NRXN3: variants seen among roughly 807,000 people sequenced by gnomAD.
The protein encoded by NRXN3 is neurexin III.
NRXN3 carries 32 observed loss-of-function variants against 137.6 expected under a neutral mutation model. The observed-to-expected ratio is 0.23, with a 90% confidence interval of 0.18 to 0.31. NRXN3 has a LOEUF of 0.31. NRXN3 is among the 10% of genes least tolerant of loss of function. The pLI is 1.00. For missense variants in NRXN3, 1,574 were observed against 2,062.5 expected (o/e 0.76, Z 4.59); for synonymous variants, 798 against 784.5 (o/e 1.02, Z -0.29).
chr14:79,504,025 T>C (rs1211569060), intron 16 of NRXN3, among the ~76,000 whole-genome samples: 1 of 152,246 alleles, frequency 6.6e-6, no homozygotes, highest in Non-Finnish European at 1.5e-5. Context: ...ATCTCAGTTT[T>C]GGAGTTCCAC....
intron 6 of NRXN3, among the ~76,000 whole-genome samples, chr14:78,707,474 T>C (rs986941544): frequency 3.9e-5 from 6 of 152,096 alleles, no homozygotes; most frequent in Non-Finnish European, 7.4e-5. Context: ...CAAATAAGAG[T>C]AAAACTTTTT....
intron 15 of NRXN3, among the ~76,000 whole-genome samples, chr14:79,436,758 T>A (rs2095851948): frequency 6.6e-6 from 1 of 152,194 alleles, no homozygotes; most frequent in South Asian, 2.1e-4. Context: ...GGACTGCAGG[T>A]ACCACTAAAA....
intron 16 of NRXN3, among the ~76,000 whole-genome samples, chr14:79,609,586 G>A (rs964749976): frequency 2.6e-5 from 4 of 152,060 alleles, no homozygotes; most frequent in African/African-American, 9.7e-5. Flanking sequence ...TTAATGAGGA[G>A]GTAATAAAGA....
At chr14:79,012,870 A>T (rs1185131603) in intron 15 of NRXN3, among the ~76,000 whole-genome samples, 1 of 152,156 alleles carries the variant, frequency 6.6e-6, no homozygotes, top group Admixed American at 6.5e-5. Flanking sequence ...CAAACCGTGG[A>T]CAGAGAGGCC....
At chr14:78,501,989 A>G (rs1371803063) in intron 4 of NRXN3, among the ~76,000 whole-genome samples, 3 of 152,104 alleles carry the variant, frequency 2.0e-5, no homozygotes, top group Non-Finnish European at 4.4e-5. Context: ...CTATAACAGA[A>G]CTATAACAGA....
chr14:79,811,714 T>A (rs2099234339), intron 20 of NRXN3, among the ~76,000 whole-genome samples: 1 of 151,528 alleles, frequency 6.6e-6, no homozygotes, highest in Admixed American at 6.6e-5. Flanking sequence ...CCTGAGTAGC[T>A]GGGACTACAG....
intron 4 of NRXN3, among the ~76,000 whole-genome samples, chr14:78,325,569 A>T (rs2079966451): frequency 6.6e-6 from 1 of 152,052 alleles, no homozygotes; most frequent in African/African-American, 2.4e-5. Flanking sequence ...TATCATTATC[A>T]TCATTGCCCT....
chr14:78,561,549 G>C (rs1389902182), intron 4 of NRXN3, among the ~76,000 whole-genome samples: 1 of 152,136 alleles, frequency 6.6e-6, no homozygotes, highest in African/African-American at 2.4e-5. Flanking sequence ...TATGCCATAG[G>C]GGACACAGAG....
chr14:79,066,829 T>C (rs1436372404), intron 15 of NRXN3, among the ~76,000 whole-genome samples: 1 of 148,830 alleles, frequency 6.7e-6, no homozygotes, highest in Non-Finnish European at 1.5e-5. Context: ...TTCTGAGACT[T>C]TACTGAAATT....
rs192617238 is a variant in NRXN3 at position 79,326,423 on chromosome 14, G to A, written c.3263-140798G>A. Among the ~76,000 whole-genome samples the A allele has an allele frequency of 5.0e-4, 76 of 152,262 alleles. 1 individual carries two copies. Among genetic ancestry groups the A allele is most frequent in the African/African-American group, 1.7e-3 (72 of 41,550 alleles). On this transcript the variant is annotated intron_variant, in intron 15 of 20. Transcript: ENST00000335750. ...CTCCATTATATAGTAAAGAAGCAAG[G>A]CTAGAAAAATTGGTGACTTGCACAG...
At chr14:79,795,004 A>G (rs2140365034) in intron 19 of NRXN3, among the ~76,000 whole-genome samples, 1 of 152,252 alleles carries the variant, frequency 6.6e-6, no homozygotes, top group African/African-American at 2.4e-5. Context: ...AGAGCATACA[A>G]CCTAACAAAG....
intron 16 of NRXN3, among the ~76,000 whole-genome samples, chr14:79,649,299 AGT>A (rs1304724950): frequency 2.6e-5 from 4 of 152,154 alleles, no homozygotes; most frequent in African/African-American, 9.6e-5. Context: ...ATCCGGGGTA[AGT>A]GCCTCACAAA....
intron 15 of NRXN3, among the ~76,000 whole-genome samples, chr14:78,999,401 A>G (rs1313425243): frequency 2.0e-5 from 3 of 152,192 alleles, no homozygotes; most frequent in African/African-American, 7.2e-5. Flanking sequence ...GCATGATGTC[A>G]GGCACATAAC....
At chr14:79,769,216 AGAAC>A (rs1433190264) in intron 19 of NRXN3, among the ~76,000 whole-genome samples, 1 of 149,568 alleles carries the variant, frequency 6.7e-6, no homozygotes, top group East Asian at 1.9e-4. Flanking sequence ...ATTATCCAGG[AGAAC>A]TTCCCCAATC....
intron 15 of NRXN3, among the ~76,000 whole-genome samples, chr14:79,199,020 A>G (rs1157007549): frequency 6.6e-6 from 1 of 152,118 alleles, no homozygotes; most frequent in Non-Finnish European, 1.5e-5. Context: ...CAAAAAAATT[A>G]TCTGGGCTTG....
chr14:78,743,845 G>A (rs1204308708), intron 8 of NRXN3, among the ~76,000 whole-genome samples: 1 of 152,254 alleles, frequency 6.6e-6, no homozygotes, highest in South Asian at 2.1e-4. Flanking sequence ...TCAGATTTAA[G>A]TCTTATTAAG....
chr14:79,114,036 C>A (rs901425217), intron 15 of NRXN3, among the ~76,000 whole-genome samples: 1 of 152,192 alleles, frequency 6.6e-6, no homozygotes, highest in African/African-American at 2.4e-5. Flanking sequence ...GATCTTGACG[C>A]TTAATGACAT....
At chr14:78,624,844 T>C (rs2097441143) in intron 4 of NRXN3, among the ~76,000 whole-genome samples, 5 of 151,934 alleles carry the variant, frequency 3.3e-5, no homozygotes. Flanking sequence ...TGTTTGTTTG[T>C]TTGTTTGTTT....
chr14:79,358,346 C>T (rs925515096), intron 15 of NRXN3, among the ~76,000 whole-genome samples: 5 of 151,412 alleles, frequency 3.3e-5, no homozygotes, highest in Non-Finnish European at 4.4e-5. Context: ...AGAGGCGAGC[C>T]GATCACGCGG....
Sources: allele counts gnomAD v4.1 joint callset (sites outside exome capture counted in the v4.1 genomes callset), GRCh38; gene constraint gnomAD v4.1.1; transcripts MANE v1.5; gene names NCBI Gene and HGNC (gene_info 2026-07-23, HGNC 2026-07-21).